The following SOX5 variants were observed in gnomAD, a reference collection of about 807,000 sequenced individuals.
SOX5 encodes SRY-box transcription factor 5.
In SOX5, 9 loss-of-function variants were observed where a neutral mutation model predicts 92.0. The ratio of observed to expected loss-of-function variants is 0.10; its 90% confidence interval spans 0.06 to 0.17. The LOEUF is 0.17. SOX5 is among the 10% of genes least tolerant of loss of function. The probability of loss-of-function intolerance (pLI) is 1.00; values close to 1 mark genes in which losing one functional copy is unlikely to be tolerated. For synonymous variants in SOX5, 344 were observed against 336.3 expected (o/e 1.02, Z -0.25); for missense variants, 642 against 944.5 (o/e 0.68, Z 4.20).
intron 4 of SOX5, among the ~76,000 whole-genome samples, chr12:24,082,387 G>T (rs1943448407): frequency 7.9e-6 from 1 of 127,366 alleles, no homozygotes; most frequent in Non-Finnish European, 1.6e-5. Flanking sequence ...TCTCACCAGG[G>T]CTGCTCCTTT....
intron 1 of SOX5, among the ~76,000 whole-genome samples, chr12:24,548,566 T>C (rs546659009): frequency 3.3e-5 from 5 of 152,256 alleles, no homozygotes; most frequent in Admixed American, 6.5e-5. Flanking sequence ...ACTAGAAGTA[T>C]GGATTTAAGC....
intron 9 of SOX5, among the ~76,000 whole-genome samples, chr12:23,587,671 C>T (rs1201797209): frequency 6.6e-6 from 1 of 151,954 alleles, no homozygotes; most frequent in African/African-American, 2.4e-5. Context: ...TATTCATAAT[C>T]CTAAAATTTA....
rs566459795 is a variant in SOX5 at position 24,551,889 on chromosome 12, T to C, written c.-251+10440A>G. On this transcript the variant is annotated intron_variant, in intron 1 of 4. Coordinates refer to the SOX5 transcript ENST00000446891. The stretch of plus-strand genomic sequence containing the variant: ...TTCTACATGCTGCTCTCTCCTTCTG[T>C]GTGTTTTTATTCATTGATTAAACAA... Among the ~76,000 whole-genome samples the C allele has an allele frequency of 1.8e-3, 273 of 152,366 alleles. 2 individuals are homozygous for C. The highest frequency in any genetic ancestry group is 3.4e-3 in the Non-Finnish European group (231 of 68,034).
chr12:23,963,456 A>T (rs1450515135), intron 4 of SOX5, among the ~76,000 whole-genome samples: 2 of 152,204 alleles, frequency 1.3e-5, no homozygotes, highest in Non-Finnish European at 2.9e-5. Context: ...TTTTTAAATT[A>T]TAAAAGCAGA....
At chr12:24,238,630 T>TAC (rs1463613339) in intron 3 of SOX5, among the ~76,000 whole-genome samples, 1 of 152,202 alleles carries the variant, frequency 6.6e-6, no homozygotes, top group Non-Finnish European at 1.5e-5. Flanking sequence ...GTGCTGGGAT[T>TAC]ACAGGAGTGA....
chr12:24,463,087 T>TG (rs1337528582), intron 1 of SOX5, among the ~76,000 whole-genome samples: 2 of 152,030 alleles, frequency 1.3e-5, no homozygotes, highest in African/African-American at 4.8e-5. Flanking sequence ...GGCATGGTGG[T>TG]GCATTCTGTA....
intron 4 of SOX5, among the ~76,000 whole-genome samples, chr12:24,129,660 T>C (rs1949458417): frequency 6.6e-6 from 1 of 152,086 alleles, no homozygotes; most frequent in African/African-American, 2.4e-5. Context: ...AGATAATAAA[T>C]CGGAGCAGAG....
chr12:24,486,488 G>A (rs1288429302), intron 1 of SOX5, among the ~76,000 whole-genome samples: 3 of 152,140 alleles, frequency 2.0e-5, no homozygotes, highest in Non-Finnish European at 4.4e-5. Flanking sequence ...TCTAAAAACT[G>A]CATAAGAAAG....
At chr12:23,679,514 AAGGCT>A (rs2086245061) in intron 6 of SOX5, among the ~76,000 whole-genome samples, 1 of 152,178 alleles carries the variant, frequency 6.6e-6, no homozygotes. Context: ...TGATTTCATG[AAGGCT>A]ACCTTCCATT....
At chr12:23,562,327 A>G (rs1193411805) in intron 11 of SOX5, among the ~76,000 whole-genome samples, 1 of 152,198 alleles carries the variant, frequency 6.6e-6, no homozygotes, top group African/African-American at 2.4e-5. Flanking sequence ...TTCCCTATGC[A>G]GATTGCCAGC....
chr12:23,564,715 C>G (rs1255059922), intron 10 of SOX5, among the ~76,000 whole-genome samples: 1 of 152,208 alleles, frequency 6.6e-6, no homozygotes, highest in Non-Finnish European at 1.5e-5. Flanking sequence ...AAATGGCTAA[C>G]TGCCGTGTTA....
At chr12:23,994,592 C>T (rs16926947) in intron 4 of SOX5, among the ~76,000 whole-genome samples, 1 of 152,194 alleles carries the variant, frequency 6.6e-6, no homozygotes, top group African/African-American at 2.4e-5. Context: ...GCCCTAACTT[C>T]TTATTGTCTG....
intron 4 of SOX5, among the ~76,000 whole-genome samples, chr12:23,962,272 G>C (rs907311776): frequency 2.8e-3 from 2 of 716 alleles, no homozygotes; most frequent in Non-Finnish European, 0.01. Flanking sequence ...TAGATAGTCA[G>C]TGGTGACAGA....
At chr12:24,561,474 G>A (rs1954331619) in intron 1 of SOX5, among the ~76,000 whole-genome samples, 1 of 152,110 alleles carries the variant, frequency 6.6e-6, no homozygotes, top group Non-Finnish European at 1.5e-5. Context: ...GCTCTCCAAC[G>A]CAAACATTTC....
chr12:24,246,823 C>T (rs79731483), intron 3 of SOX5, among the ~76,000 whole-genome samples: 2,076 of 151,982 alleles, frequency 0.014, 25 homozygotes, highest in Middle Eastern at 0.037. Flanking sequence ...CCTAGTACTT[C>T]CAGAAAGCCT....
chr12:23,638,938 A>T (rs2079646502), intron 8 of SOX5, among the ~76,000 whole-genome samples: 1 of 151,862 alleles, frequency 6.6e-6, no homozygotes, highest in South Asian at 2.1e-4. Context: ...GTGTTTTAAT[A>T]GTAGCTGATG....
At chr12:24,064,232 G>C (rs1465617583) in intron 4 of SOX5, among the ~76,000 whole-genome samples, 1 of 152,144 alleles carries the variant, frequency 6.6e-6, no homozygotes, top group East Asian at 1.9e-4. Context: ...TCAAAGAGTG[G>C]CCCTTCCCTA....
intron 4 of SOX5, among the ~76,000 whole-genome samples, chr12:23,996,941 T>C (rs568647815): frequency 6.6e-6 from 1 of 152,294 alleles, no homozygotes; most frequent in East Asian, 1.9e-4. Context: ...CTCTGAATTG[T>C]ACACTTTAAA....
chr12:23,930,309 C>T (rs1404534816), intron 1 of SOX5, among the ~76,000 whole-genome samples: 1 of 151,688 alleles, frequency 6.6e-6, no homozygotes, highest in Admixed American at 6.6e-5. Context: ...TTTTTGCTCT[C>T]ACAAAATGCC....
Sources: gnomAD v4.1 joint callset for allele counts (sites outside exome capture counted in the v4.1 genomes callset) on GRCh38, gnomAD v4.1.1 for gene constraint, MANE v1.5 for transcripts, NCBI Gene and HGNC (gene_info 2026-07-23, HGNC 2026-07-21) for gene names.